Variants in OR56A3 observed in about 807,000 individuals in gnomAD.
OR56A3 encodes olfactory receptor family 56 subfamily A member 3.
A neutral mutation model predicts 17.5 loss-of-function variants in OR56A3; 23 were observed. That is an observed-to-expected ratio of 1.32 (90% CI 0.95 to 1.87). OR56A3 has a LOEUF of 1.87. Ranked by LOEUF, OR56A3 falls within the 40% of genes most tolerant of loss-of-function variation. The pLI, the probability that OR56A3 is intolerant of heterozygous loss-of-function variation, is 0.00. For missense variants in OR56A3, 366 were observed against 380.1 expected, an observed-to-expected ratio of 0.96 and a Z score of 0.31; for synonymous variants, 175 against 150.6, an observed-to-expected ratio of 1.16 and a Z score of -1.19.
chr11:5,994,040 T>A, the OR56A3 span: 1 of 473,154 alleles, frequency 2.1e-6, no homozygotes, highest in South Asian at 1.5e-5. Context: ...TAGGTGGTGA[T>A]CTCAGCCTCC....
At chr11:5,951,414 G>A (rs887766122), downstream of OR56A3, 2 of 151,912 alleles carry the variant, frequency 1.3e-5, no homozygotes, top group Admixed American at 6.6e-5. Context: ...TTAATAAAAT[G>A]TATTTTATAT....
the OR56A3 span, chr11:5,986,793 T>G: frequency 1.2e-4 from 191 of 1,613,914 alleles, no homozygotes; most frequent in Non-Finnish European, 1.3e-4. Context: ...CCAGGGGCAG[T>G]GCAATCCAGT....
chr11:5,998,118 G>A, the OR56A3 span, among the ~76,000 whole-genome samples: 1 of 152,192 alleles, frequency 6.6e-6, no homozygotes, highest in Admixed American at 6.5e-5. Flanking sequence ...ATGGTGGGAT[G>A]ACAATTGTGT....
chr11:6,006,171 T>C, the OR56A3 span: 1 of 152,170 alleles, frequency 6.6e-6, no homozygotes, highest in Non-Finnish European at 1.5e-5. Flanking sequence ...CAGGAAGACA[T>C]ATGTTCTTTT....
the OR56A3 span, chr11:6,020,886 G>A: frequency 6.6e-6 from 1 of 152,030 alleles, no homozygotes; most frequent in African/African-American, 2.4e-5. Flanking sequence ...CCTTGTGCCA[G>A]TTTTATAGGG....
the OR56A3 span, among the ~76,000 whole-genome samples, chr11:5,970,035 A>G: frequency 1.3e-5 from 2 of 152,370 alleles, no homozygotes; most frequent in East Asian, 3.9e-4. Flanking sequence ...ATAGCCTTTG[A>G]AAAGATTTGA....
chr11:5,945,724 T>C (rs1320312219), intron 2 of OR56A3, among the ~76,000 whole-genome samples: 1 of 152,122 alleles, frequency 6.6e-6, no homozygotes, highest in Non-Finnish European at 1.5e-5. Context: ...AAATATCACT[T>C]CCCTTGTTTG....
the OR56A3 span, among the ~76,000 whole-genome samples, chr11:5,972,662 C>T: frequency 6.6e-6 from 1 of 152,200 alleles, no homozygotes; most frequent in Non-Finnish European, 1.5e-5. Context: ...TAAAGGTTCC[C>T]ATGAGAGCCA....
chr11:6,004,992 T>C, the OR56A3 span, among the ~76,000 whole-genome samples: 1 of 152,064 alleles, frequency 6.6e-6, no homozygotes, highest in Admixed American at 6.6e-5. Flanking sequence ...ATAATGACAA[T>C]CATAAAATAA....
the OR56A3 span, chr11:5,986,848 G>A: frequency 6.2e-7 from 1 of 1,613,992 alleles, no homozygotes; most frequent in East Asian, 2.2e-5. Flanking sequence ...GAGAAAAGAA[G>A]GCTGGGATAG....
At chr11:6,009,431 T>C in the OR56A3 span, among the ~76,000 whole-genome samples, 3 of 152,234 alleles carry the variant, frequency 2.0e-5, no homozygotes, top group Admixed American at 6.5e-5. Flanking sequence ...GCAGCTTTTA[T>C]AGTGATGATT....
At chr11:5,999,162 A>T in the OR56A3 span, among the ~76,000 whole-genome samples, 1 of 152,188 alleles carries the variant, frequency 6.6e-6, no homozygotes, top group Non-Finnish European at 1.5e-5. Flanking sequence ...CACATAAGCA[A>T]GAGAACTTCT....
the OR56A3 span, among the ~76,000 whole-genome samples, chr11:5,977,463 G>A: frequency 6.6e-6 from 1 of 152,164 alleles, no homozygotes. Context: ...TTAATGGTTA[G>A]TGATGTTGAG....
the OR56A3 span, among the ~76,000 whole-genome samples, chr11:6,009,585 T>C: frequency 2.0e-5 from 3 of 152,168 alleles, no homozygotes; most frequent in African/African-American, 7.2e-5. Flanking sequence ...ATACATTATA[T>C]ATTTCCACAG....
the OR56A3 span, chr11:6,003,019 C>T: frequency 3.4e-5 from 55 of 1,614,022 alleles, no homozygotes; most frequent in East Asian, 7.6e-4. Context: ...AATCTGGAGA[C>T]CCAGTGTACC....
the OR56A3 span, among the ~76,000 whole-genome samples, chr11:5,999,211 AGAG>A: frequency 1.3e-5 from 2 of 152,214 alleles, no homozygotes; most frequent in Non-Finnish European, 2.9e-5. Flanking sequence ...CTAGAGGGAA[AGAG>A]GAGGACTCAA....
At chr11:5,951,507 C>A (rs1029829084), downstream of OR56A3, among the ~76,000 whole-genome samples, 3 of 151,820 alleles carry the variant, frequency 2.0e-5, no homozygotes, top group African/African-American at 7.3e-5. Flanking sequence ...CTCTTCAAAC[C>A]AAATAGGTGT....
chr11:5,962,798 A>G, the OR56A3 span, among the ~76,000 whole-genome samples: 1 of 151,974 alleles, frequency 6.6e-6, no homozygotes. Context: ...TCGGCCTCCC[A>G]AAGTGCTGGG....
chr11:5,997,675 T>G, the OR56A3 span, among the ~76,000 whole-genome samples: 3 of 152,318 alleles, frequency 2.0e-5, no homozygotes, highest in Non-Finnish European at 4.4e-5. Flanking sequence ...TAAAATCTTA[T>G]ATACTTGAAA....
Sources: allele counts gnomAD v4.1 joint callset (sites outside exome capture counted in the v4.1 genomes callset), GRCh38; gene constraint gnomAD v4.1.1; transcripts MANE v1.5; gene names NCBI Gene and HGNC (gene_info 2026-07-23, HGNC 2026-07-21).